SCN2A: variants seen among roughly 807,000 people sequenced by gnomAD.
SCN2A encodes the protein sodium channel protein type 2 subunit alpha.
Under a neutral mutation model 188.7 loss-of-function variants are expected in SCN2A, and 20 were observed. The ratio of observed to expected loss-of-function variants is 0.11; its 90% CI spans 0.07 to 0.15. SCN2A has a LOEUF of 0.15. Ranked by LOEUF, SCN2A falls within the 10% of genes least tolerant of loss-of-function variation. The pLI is 1.00. For synonymous variants in SCN2A, 804 were observed against 833.1 expected, an observed-to-expected ratio of 0.97 and a Z score of 0.60; for missense variants, 1,278 against 2,445.0, an observed-to-expected ratio of 0.52 and a Z score of 10.07.
chr2:165,325,569 A>G (rs992461761), intron 12 of SCN2A, among the ~76,000 whole-genome samples: 1 of 152,206 alleles, frequency 6.6e-6, no homozygotes, highest in South Asian at 2.1e-4. Context: ...AGACAAATCT[A>G]GGTTTGTACA....
chr2:165,261,026 C>T (rs924555461), intron 1 of SCN2A, among the ~76,000 whole-genome samples: 2 of 151,046 alleles, frequency 1.3e-5, no homozygotes, highest in Non-Finnish European at 1.5e-5. Flanking sequence ...TGGGCACATC[C>T]TCCCATATAC....
intron 1 of SCN2A, chr2:165,240,215 G>A (rs1269222904): frequency 6.6e-6 from 1 of 152,174 alleles, no homozygotes; most frequent in Non-Finnish European, 1.5e-5. Context: ...CTTGGAATGA[G>A]ACTATAGACC....
chr2:165,389,977 A>G lies in SCN2A; in HGVS notation c.*153A>G. The G allele has an allele frequency of 7.8e-7, 1 of 1,289,144 alleles. No individual in the cohort carries two copies. The highest frequency in any genetic ancestry group is 2.8e-5 in the Admixed American group (1 of 35,632). 79.9% of individuals were successfully genotyped at this position (1,289,144 alleles called of 1,614,324 possible). A position where few individuals can be genotyped will look rare whatever the true frequency, so the allele number is the denominator to read the frequency against. ...GGTCAGTGCCTATAACAAGACAGAG[A>G]CCTCTGGTCAGCAAACTGGAACTCA... is the stretch of plus-strand genomic sequence containing the variant. On this transcript the variant is annotated 3_prime_UTR_variant, in exon 27 of 27. Coordinates refer to ENST00000375437, the MANE Select transcript of SCN2A (RefSeq NM_001040142.2). This position sits in a 1 kb window ranked among gnomAD's most constrained non-coding sequence, Gnocchi z 4.2.
chr2:165,361,305 A>G (rs1162416693), intron 17 of SCN2A, among the ~76,000 whole-genome samples: 1 of 152,024 alleles, frequency 6.6e-6, no homozygotes, highest in African/African-American at 2.4e-5. Context: ...ACTTGAATTA[A>G]TACTAAAGTT....
chr2:165,270,162 C>T (rs1388512296), intron 1 of SCN2A: 3 of 152,000 alleles, frequency 2.0e-5, no homozygotes, highest in Non-Finnish European at 2.9e-5. Context: ...TTTCAAAAGT[C>T]CCCTCAAGCA....
intron 13 of SCN2A, 93 bp downstream of exon 13, chr2:165,327,077 T>C: frequency 1.4e-6 from 2 of 1,429,198 alleles, no homozygotes; most frequent in Non-Finnish European, 9.8e-7. Flanking sequence ...CCTGACTTGA[T>C]ATTGTATCAT....
chr2:165,312,209 C>T, intron 8 of SCN2A, 121 bp downstream of exon 8: 2 of 741,702 alleles, frequency 2.7e-6, no homozygotes, highest in Non-Finnish European at 4.8e-6. Flanking sequence ...AATTCTACTT[C>T]ACGGTGACTC....
At chr2:165,321,462 G>C (rs12692764) in intron 11 of SCN2A, among the ~76,000 whole-genome samples, 84,619 of 151,960 alleles carry the variant, frequency 0.56, 24,025 homozygotes, top group Middle Eastern at 0.64. Flanking sequence ...TCAATTTACT[G>C]TATTAATCTG....
intron 1 of SCN2A, among the ~76,000 whole-genome samples, chr2:165,240,659 C>CTCTGTGTGTG (rs1553554072): frequency 1.5e-5 from 2 of 136,382 alleles, no homozygotes; most frequent in Non-Finnish European, 3.1e-5. Context: ...GTGGAAAGAG[C>CTCTGTGTGTG]TGTGTGTGTG....
chr2:165,330,813 C>G (rs1354810232), intron 13 of SCN2A, among the ~76,000 whole-genome samples: 2 of 151,930 alleles, frequency 1.3e-5, no homozygotes, highest in African/African-American at 2.4e-5. Flanking sequence ...AATATGCAAG[C>G]CTATAATCTA....
intron 16 of SCN2A, among the ~76,000 whole-genome samples, chr2:165,349,627 T>C (rs1462115856): frequency 1.3e-5 from 2 of 152,202 alleles, no homozygotes; most frequent in East Asian, 1.9e-4. Flanking sequence ...TATAAAATAA[T>C]CATTTCCATC....
chr2:165,276,401 T>TA (rs1394011535), intron 1 of SCN2A, among the ~76,000 whole-genome samples: 3 of 148,534 alleles, frequency 2.0e-5, no homozygotes, highest in African/African-American at 7.8e-5. Context: ...TAATTTTAAT[T>TA]TAAAAAAAAT....
intron 14 of SCN2A, among the ~76,000 whole-genome samples, chr2:165,335,072 C>T (rs1410210278): frequency 6.6e-6 from 1 of 151,464 alleles, no homozygotes; most frequent in African/African-American, 2.4e-5. Context: ...GATTTGTACA[C>T]TCAAAGCTAT....
intron 19 of SCN2A, among the ~76,000 whole-genome samples, chr2:165,368,906 T>G (rs1216627705): frequency 1.3e-5 from 2 of 151,276 alleles, no homozygotes; most frequent in African/African-American, 4.8e-5. Context: ...GGATCAGCCA[T>G]GCTTTATTTT....
At chr2:165,323,941 A>G (rs994471882) in intron 12 of SCN2A, among the ~76,000 whole-genome samples, 5 of 152,360 alleles carry the variant, frequency 3.3e-5, no homozygotes, top group Admixed American at 6.5e-5. Context: ...TTTAAATCCC[A>G]TAGTACAACA....
At chr2:165,338,620 C>G (rs1699142981) in intron 14 of SCN2A, among the ~76,000 whole-genome samples, 1 of 151,854 alleles carries the variant, frequency 6.6e-6, no homozygotes, top group African/African-American at 2.4e-5. Context: ...AAGAAAGTAT[C>G]CCTCATGAAC....
intron 1 of SCN2A, among the ~76,000 whole-genome samples, chr2:165,289,237 A>T (rs985849135): frequency 2.6e-5 from 4 of 152,016 alleles, no homozygotes; most frequent in Admixed American, 2.6e-4. Flanking sequence ...TTATTTTTTT[A>T]AATTGTCTTA....
At chr2:165,296,879 C>T in intron 2 of SCN2A, 138 bp from the exon 3 acceptor site, 1 of 540,288 alleles carries the variant, frequency 1.9e-6, no homozygotes, top group Middle Eastern at 5.0e-4. Flanking sequence ...CATCTATCTT[C>T]ATGTCATATG....
chr2:165,320,836 C>T (rs996974391), intron 11 of SCN2A, among the ~76,000 whole-genome samples: 24 of 152,280 alleles, frequency 1.6e-4, no homozygotes, highest in East Asian at 3.9e-4. Context: ...GAGCCTGTGA[C>T]GGGAGGGGCT....
Sources: allele counts gnomAD v4.1 joint callset (sites outside exome capture counted in the v4.1 genomes callset), GRCh38; gene constraint gnomAD v4.1.1; non-coding constraint Gnocchi (gnomAD v3.1); transcripts MANE v1.5; gene names NCBI Gene and HGNC (gene_info 2026-07-23, HGNC 2026-07-21).